Variants in MAD1L1 observed in about 807,000 individuals in gnomAD.
The protein encoded by MAD1L1 is mitotic arrest deficient 1 like 1.
A neutral mutation model predicts 96.9 loss-of-function variants in MAD1L1; 95 were observed. The observed-to-expected ratio is 0.98, with a 90% CI of 0.83 to 1.16. The LOEUF is 1.16. MAD1L1 is among the 50% of genes most tolerant of loss of function. The pLI is 0.00. For missense variants in MAD1L1, 1,007 were observed against 954.4 expected (o/e 1.06, Z -0.73); for synonymous variants, 473 against 396.6 (o/e 1.19, Z -2.29).
intron 15 of MAD1L1, among the ~76,000 whole-genome samples, chr7:1,964,932 C>A (rs893277640): frequency 6.6e-6 from 1 of 152,224 alleles, no homozygotes; most frequent in African/African-American, 2.4e-5. Flanking sequence ...AACGGGCAGA[C>A]AGCATCCAGT....
intron 12 of MAD1L1, among the ~76,000 whole-genome samples, chr7:2,064,455 G>A (rs183664004): frequency 6.6e-6 from 1 of 152,248 alleles, no homozygotes; most frequent in Non-Finnish European, 1.5e-5. Flanking sequence ...TCTGGCCCCT[G>A]TAAGAGGCTG....
intron 13 of MAD1L1, among the ~76,000 whole-genome samples, chr7:2,009,031 C>A (rs1040118143): frequency 1.3e-4 from 20 of 152,196 alleles, no homozygotes; most frequent in Non-Finnish European, 1.8e-4. Context: ...CACGCCCCGG[C>A]CCCGCAACCC....
intron 11 of MAD1L1, among the ~76,000 whole-genome samples, chr7:2,109,856 T>C (rs1044208667): frequency 5.9e-5 from 9 of 152,276 alleles, no homozygotes; most frequent in Non-Finnish European, 1.2e-4. Context: ...GATACGCTAA[T>C]TATTCCTTTG....
At chr7:2,200,877 G>A (rs1017488161) in intron 10 of MAD1L1, among the ~76,000 whole-genome samples, 4 of 152,330 alleles carry the variant, frequency 2.6e-5, no homozygotes, top group Admixed American at 6.5e-5. Flanking sequence ...AGTGAGAAGC[G>A]TGCAGGAGCT....
intron 12 of MAD1L1, among the ~76,000 whole-genome samples, chr7:2,044,347 G>A (rs1783826772): frequency 6.6e-6 from 1 of 152,192 alleles, no homozygotes; most frequent in South Asian, 2.1e-4. Context: ...CTGGGACCAG[G>A]ATTTGAACTC....
intron 18 of MAD1L1, among the ~76,000 whole-genome samples, chr7:1,827,895 C>T (rs958592161): frequency 2.6e-5 from 4 of 152,160 alleles, no homozygotes; most frequent in African/African-American, 7.2e-5. Context: ...GCGGCCTCTG[C>T]GCCTTCTCAC....
At chr7:1,916,130 AAG>A (rs1305708951) in intron 17 of MAD1L1, among the ~76,000 whole-genome samples, 2 of 152,182 alleles carry the variant, frequency 1.3e-5, no homozygotes, top group Non-Finnish European at 2.9e-5. Context: ...TGTGGTCAGA[AAG>A]AGAGATGCCA....
At chr7:1,936,101 T>C (rs754313657) in intron 17 of MAD1L1, among the ~76,000 whole-genome samples, 8 of 152,214 alleles carry the variant, frequency 5.3e-5, no homozygotes, top group Non-Finnish European at 7.4e-5. Flanking sequence ...AGGGGCACCC[T>C]GCAGAGTCGA....
intron 10 of MAD1L1, among the ~76,000 whole-genome samples, chr7:2,202,369 C>T (rs1213122705): frequency 6.6e-6 from 1 of 152,250 alleles, no homozygotes; most frequent in Non-Finnish European, 1.5e-5. Flanking sequence ...ACGCCCCACC[C>T]TGGCCTGCAC....
At chr7:2,031,716 G>A (rs1783235130) in intron 12 of MAD1L1, among the ~76,000 whole-genome samples, 1 of 152,252 alleles carries the variant, frequency 6.6e-6, no homozygotes, top group African/African-American at 2.4e-5. Flanking sequence ...GGAGGAGGAC[G>A]TGACCCTCGC....
chr7:2,060,444 G>C (rs898014777), intron 12 of MAD1L1, among the ~76,000 whole-genome samples: 2 of 152,054 alleles, frequency 1.3e-5, no homozygotes, highest in Admixed American at 1.3e-4. Flanking sequence ...CTGAGATAAC[G>C]CCGATGCCGA....
intron 12 of MAD1L1, among the ~76,000 whole-genome samples, chr7:2,067,577 T>TGAACCCCCGCAGTGGTCAGCCC (rs1784935171): frequency 6.7e-6 from 1 of 149,844 alleles, no homozygotes; most frequent in Non-Finnish European, 1.5e-5. Flanking sequence ...TGCACTTGCC[T>TGAACCCCCGCAGTGGTCAGCCC]GAACCCCCGC....
intron 14 of MAD1L1, among the ~76,000 whole-genome samples, chr7:1,990,620 T>A (rs1013788066): frequency 1.3e-5 from 2 of 152,244 alleles, no homozygotes; most frequent in African/African-American, 2.4e-5. Context: ...GCACCGCCCC[T>A]GGGATGAGGC....
At chr7:2,115,694 G>A (rs1472859251) in intron 11 of MAD1L1, among the ~76,000 whole-genome samples, 6 of 152,250 alleles carry the variant, frequency 3.9e-5, no homozygotes, top group African/African-American at 4.8e-5. Flanking sequence ...CATGGTTCCC[G>A]CATGGCCACA....
intron 12 of MAD1L1, among the ~76,000 whole-genome samples, chr7:2,049,610 C>A (rs1784077274): frequency 6.6e-6 from 1 of 152,260 alleles, no homozygotes; most frequent in Non-Finnish European, 1.5e-5. Context: ...ACCTCACAGA[C>A]ACCTGGGTCC....
Position 1,962,327 on chromosome 7 carries a change from G to C in MAD1L1, c.1506-4608C>G, listed in dbSNP as rs1187163222. Among the ~76,000 whole-genome samples, 4 of 152,206 alleles carry C rather than the reference G, an allele frequency of 2.6e-5. No homozygotes were observed. The East Asian group carries it at 7.7e-4, about 29-fold the overall frequency. On this transcript the variant is annotated intron_variant, in intron 15 of 18. Coordinates refer to ENST00000265854, the MANE Select transcript of MAD1L1 (RefSeq NM_001013836.2). ...CTGCCATGATTGTGAGGCCTCCCCA[G>C]CCATGTAGAACTGTGAGTCCATTCA...
intron 11 of MAD1L1, among the ~76,000 whole-genome samples, chr7:2,112,240 C>T (rs938896307): frequency 2.0e-5 from 3 of 152,068 alleles, no homozygotes; most frequent in Non-Finnish European, 4.4e-5. Context: ...GCAAGTCAGC[C>T]CCAGGCATGT....
chr7:2,074,686 G>A (rs1785293933), intron 11 of MAD1L1, among the ~76,000 whole-genome samples: 2 of 152,272 alleles, frequency 1.3e-5, no homozygotes, highest in Non-Finnish European at 2.9e-5. Context: ...AAGCGCAGGT[G>A]TGGGCTGCAG....
intron 10 of MAD1L1, among the ~76,000 whole-genome samples, chr7:2,184,759 T>C (rs1319542742): frequency 1.3e-5 from 2 of 152,050 alleles, no homozygotes; most frequent in East Asian, 3.9e-4. Context: ...CCCAGCACTT[T>C]GGGAGGCTGA....
Sources: allele counts gnomAD v4.1 joint callset (sites outside exome capture counted in the v4.1 genomes callset), GRCh38; gene constraint gnomAD v4.1.1; transcripts MANE v1.5; gene names NCBI Gene and HGNC (gene_info 2026-07-23, HGNC 2026-07-21).